Variants in FAM241A observed in about 807,000 individuals in gnomAD.
The protein encoded by FAM241A is family with sequence similarity 241 member A, also known as uncharacterized protein FAM241A.
In FAM241A, 7 loss-of-function variants were observed where a neutral mutation model predicts 12.2. The observed-to-expected ratio is 0.58, with a 90% CI of 0.33 to 1.08. FAM241A has a LOEUF of 1.08. FAM241A is among the 50% of genes least tolerant of loss of function. The probability of loss-of-function intolerance (pLI) is 0.04; values close to 1 mark genes in which losing one functional copy is unlikely to be tolerated. For synonymous variants in FAM241A, 74 were observed against 68.2 expected, an observed-to-expected ratio of 1.08 and a Z score of -0.42; for missense variants, 161 against 169.7, an observed-to-expected ratio of 0.95 and a Z score of 0.29.
At chr4:112,163,367 C>T (rs1325527847) in intron 1 of FAM241A, among the ~76,000 whole-genome samples, 1 of 152,170 alleles carries the variant, frequency 6.6e-6, no homozygotes, top group African/African-American at 2.4e-5. Flanking sequence ...TCAGAGTGAA[C>T]AGGCAACCTA....
chr4:112,163,773 A>G (rs1407034458), intron 1 of FAM241A, among the ~76,000 whole-genome samples: 5 of 152,232 alleles, frequency 3.3e-5, no homozygotes, highest in Admixed American at 3.3e-4. Context: ...AGGATCTAGA[A>G]CTAGAAATAC....
rs776437096 is a variant in FAM241A, at chr4:112,145,685, C to T, written c.105C>T (p.Pro35=). 9 of 1,174,302 alleles carry T rather than the reference C, an allele frequency of 7.7e-6. No homozygotes were observed. Among genetic ancestry groups the T allele is most frequent in the Non-Finnish European group, 9.5e-6 (9 of 951,720 alleles). The allele number at this position is 1,174,302 out of a possible 1,614,324, so 72.7% of individuals were successfully genotyped here. ...EREAAGTGWD[P]GASPRRRGQR... Reference sequence around the variant, plus strand: ...AGGCGGCAGGGACCGGGTGGGATCCCGGGGCGAGCCCGCGGCGGCGCGGAC... The same window carrying T: ...AGGCGGCAGGGACCGGGTGGGATCCTGGGGCGAGCCCGCGGCGGCGCGGAC... Residue 35 remains proline, a synonymous_variant, in exon 1 of 2, where the codon CCC becomes CCT. Coordinates refer to ENST00000309733, the MANE Select transcript of FAM241A (RefSeq NM_152400.3).
chr4:112,159,867 A>G (rs1275195642), intron 1 of FAM241A, among the ~76,000 whole-genome samples: 1 of 152,208 alleles, frequency 6.6e-6, no homozygotes, highest in Non-Finnish European at 1.5e-5. Flanking sequence ...GATCTAGAAC[A>G]TGAGAAGGAT....
intron 1 of FAM241A, among the ~76,000 whole-genome samples, chr4:112,183,062 A>G (rs754518795): frequency 1.3e-5 from 2 of 150,026 alleles, no homozygotes; most frequent in Non-Finnish European, 3.0e-5. Context: ...TCATTGCTGG[A>G]TATATTTGAT....
Position 112,190,698 on chromosome 4 carries a change from C to CA in FAM241A, c.*3776dup, listed in dbSNP as rs969099285. On this transcript the variant is annotated 3_prime_UTR_variant, in exon 2 of 2. Transcript: ENST00000309733. ...GGGCAACAAGAGCGAAACTCCATCT[C>CA]AAAAAAAAAAAAAAAAGACTTTCAT... 0.14 allele frequency: 12,855 copies of CA among 90,190 alleles called. 690 individuals carry two copies. The highest frequency in any genetic ancestry group is 0.18 in the Non-Finnish European group (7,798 of 44,314). The allele number at this position is 90,190 out of a possible 1,614,324, so 5.6% of individuals were successfully genotyped here.
At chr4:112,172,606 C>T (rs1379577077) in intron 1 of FAM241A, among the ~76,000 whole-genome samples, 1 of 152,098 alleles carries the variant, frequency 6.6e-6, no homozygotes, top group Non-Finnish European at 1.5e-5. Flanking sequence ...CATTTTGCAG[C>T]TCTTAAATGT....
At chr4:112,163,969 A>G (rs921558805) in intron 1 of FAM241A, among the ~76,000 whole-genome samples, 1 of 152,240 alleles carries the variant, frequency 6.6e-6, no homozygotes, top group African/African-American at 2.4e-5. Flanking sequence ...TTGTAGGGAC[A>G]TGGATGAAGC....
intron 1 of FAM241A, among the ~76,000 whole-genome samples, chr4:112,159,743 A>T (rs868049258): frequency 2.6e-5 from 4 of 152,208 alleles, no homozygotes; most frequent in African/African-American, 9.6e-5. Context: ...TGATTAAAAA[A>T]CACTAAAAAA....
At chr4:112,176,602 G>T (rs909033) in intron 1 of FAM241A, among the ~76,000 whole-genome samples, 66,751 of 151,954 alleles carry the variant, frequency 0.44, 15,184 homozygotes, top group East Asian at 0.62. Flanking sequence ...AATTATCTTT[G>T]AAGATGCTTC....
intron 1 of FAM241A, among the ~76,000 whole-genome samples, chr4:112,150,126 C>T (rs1038238596): frequency 1.3e-5 from 2 of 151,990 alleles, no homozygotes; most frequent in Non-Finnish European, 2.9e-5. Flanking sequence ...TATTTAATCT[C>T]TTTAGAATGA....
intron 1 of FAM241A, among the ~76,000 whole-genome samples, chr4:112,166,734 T>C (rs1310681318): frequency 6.6e-6 from 1 of 152,162 alleles, no homozygotes; most frequent in Non-Finnish European, 1.5e-5. Flanking sequence ...CTTTGGAATA[T>C]ATGTGTTTAA....
intron 1 of FAM241A, among the ~76,000 whole-genome samples, chr4:112,169,409 T>C (rs1169646585): frequency 1.3e-5 from 2 of 152,230 alleles, no homozygotes; most frequent in Non-Finnish European, 2.9e-5. Context: ...CAGTATAAAA[T>C]CTATTTTTAT....
intron 1 of FAM241A, among the ~76,000 whole-genome samples, chr4:112,156,990 G>A (rs1262934291): frequency 1.3e-5 from 2 of 152,078 alleles, no homozygotes; most frequent in Non-Finnish European, 2.9e-5. Context: ...AGTCAATGAA[G>A]GCCAGAGCTA....
rs1023905691 is a variant in FAM241A at position 112,188,174 on chromosome 4, T to C, written c.*1236T>C. 3.3e-5 allele frequency: 5 copies of C among 152,182 alleles called. No homozygotes were observed. The highest frequency in any genetic ancestry group is 9.6e-5 in the African/African-American group (4 of 41,458). The allele number at this position is 152,182 out of a possible 1,614,324, so 9.4% of individuals were successfully genotyped here. A position where few individuals can be genotyped will look rare whatever the true frequency, so the allele number is the denominator to read the frequency against. ...TAGAGAACCTAAAATCTTTACACTT[T>C]CATCTCAAAGATTATAAAGGAAAGG... On this transcript the variant is annotated 3_prime_UTR_variant, in exon 2 of 2. Coordinates refer to ENST00000309733, the MANE Select transcript of FAM241A (RefSeq NM_152400.3).
chr4:112,168,280 T>A (rs1043470666), intron 1 of FAM241A, among the ~76,000 whole-genome samples: 1 of 152,242 alleles, frequency 6.6e-6, no homozygotes, highest in Non-Finnish European at 1.5e-5. Flanking sequence ...TCCTACAGAC[T>A]CTTTAGTTCT....
At chr4:112,164,918 C>G (rs1258353277) in intron 1 of FAM241A, among the ~76,000 whole-genome samples, 1 of 152,152 alleles carries the variant, frequency 6.6e-6, no homozygotes, top group African/African-American at 2.4e-5. Flanking sequence ...TGAGACCAGC[C>G]TGGGCAATAC....
intron 1 of FAM241A, among the ~76,000 whole-genome samples, chr4:112,173,400 A>AG (rs909370055): frequency 1.3e-5 from 2 of 152,186 alleles, no homozygotes; most frequent in Non-Finnish European, 2.9e-5. Context: ...TAAGGAAAAA[A>AG]CAGGACTGAC....
In FAM241A at chr4:112,194,428, G is replaced by C. The variant is rs567639192; in HGVS notation, c.*7490G>C. On this transcript the variant is annotated 3_prime_UTR_variant, in exon 2 of 2. Transcript: ENST00000309733. Reference sequence around the variant, plus strand: ...GAGAGGGCATCCCTGTCTTGTGCCAGTTTTCAAAGGGAATGCTTCCAGTTT... The same window carrying C: ...GAGAGGGCATCCCTGTCTTGTGCCACTTTTCAAAGGGAATGCTTCCAGTTT... The C allele has an allele frequency of 1.1e-3, 169 of 150,378 alleles. No homozygotes were observed. The highest frequency in any genetic ancestry group is 3.4e-3 in the African/African-American group (141 of 41,254). The allele number at this position is 150,378 out of a possible 1,614,324, so 9.3% of individuals were successfully genotyped here. A position where few individuals can be genotyped will look rare whatever the true frequency, so the allele number is the denominator to read the frequency against.
chr4:112,151,801 A>G (rs1269934352), intron 1 of FAM241A, among the ~76,000 whole-genome samples: 1 of 152,240 alleles, frequency 6.6e-6, no homozygotes, highest in East Asian at 1.9e-4. Context: ...TAGGTCCTAC[A>G]GCTAACTCAT....
Sources: gnomAD v4.1 joint callset for allele counts (sites outside exome capture counted in the v4.1 genomes callset) on GRCh38, gnomAD v4.1.1 for gene constraint, MANE v1.5 for transcripts, NCBI Gene and HGNC (gene_info 2026-07-23, HGNC 2026-07-21) for gene names.